The following C3 variants were observed in gnomAD, a reference collection of about 807,000 sequenced individuals.
C3 encodes complement C3.
A neutral mutation model predicts 207.9 loss-of-function variants in C3; 97 were observed. The ratio of observed to expected loss-of-function variants is 0.47; its 90% CI spans 0.40 to 0.55. C3 has a LOEUF of 0.55. C3 is among the 20% of genes least tolerant of loss of function. The probability of loss-of-function intolerance (pLI) is 0.00; values close to 1 mark genes in which losing one functional copy is unlikely to be tolerated. For missense variants in C3, 1,684 were observed against 2,171.7 expected (o/e 0.78, Z 4.46); for synonymous variants, 848 against 857.6 (o/e 0.99, Z 0.20).
At chr19:6,693,198 CTTCCCAG>C (rs1918209576) in intron 25 of C3, 115 bp from the exon 26 acceptor site, 6 of 1,315,866 alleles carry the variant, frequency 4.6e-6, no homozygotes, top group Non-Finnish European at 6.5e-6. Flanking sequence ...CCTGGTTTGC[CTTCCCAG>C]GCCCCAGGAC....
chr19:6,693,515 A>C, intron 24 of C3, 28 bp from the exon 25 acceptor site: 2 of 1,597,650 alleles, frequency 1.3e-6, no homozygotes, highest in Non-Finnish European at 1.7e-6. Context: ...GAACCCCCAA[A>C]AGAGCCGGGG....
intron 4 of C3, 117 bp from the exon 5 acceptor site, chr19:6,714,563 G>A (rs1967991988): frequency 1.3e-6 from 1 of 779,390 alleles, no homozygotes; most frequent in Non-Finnish European, 2.2e-6. Flanking sequence ...GTCTACTGTG[G>A]TTAAGAACAG....
rs757072164 is a variant in C3 at position 6,713,978 on chromosome 19, C to T, written c.773+14G>A. The T allele has an allele frequency of 2.5e-6, 4 of 1,590,626 alleles. No homozygotes were observed. Among genetic ancestry groups the T allele is most frequent in the Non-Finnish European group, 8.6e-7 (1 of 1,164,706 alleles). On this transcript the variant is annotated intron_variant, in intron 7 of 40. Coordinates refer to ENST00000245907, the MANE Select transcript of C3 (RefSeq NM_000064.4). ...TCACCTGGCTCTTACCTGGCCCCAC[C>T]CCCAGTCCCTCACCTGGCGGTGATG...
At chr19:6,715,042 G>C (rs531296289) in intron 4 of C3, among the ~76,000 whole-genome samples, 4 of 152,114 alleles carry the variant, frequency 2.6e-5, no homozygotes, top group African/African-American at 7.2e-5. Context: ...ATATGAGTAG[G>C]GGCTCATTTT....
At chr19:6,714,729 G>C (rs1439411103) in intron 4 of C3, among the ~76,000 whole-genome samples, 1 of 152,206 alleles carries the variant, frequency 6.6e-6, no homozygotes, top group Non-Finnish European at 1.5e-5. Context: ...AGGCATGGTG[G>C]TAGGCACCCG....
intron 11 of C3, among the ~76,000 whole-genome samples, 165 bp from the exon 12 acceptor site, chr19:6,711,361 A>T (rs1393239725): frequency 6.6e-6 from 1 of 152,094 alleles, no homozygotes; most frequent in African/African-American, 2.4e-5. Flanking sequence ...ATGTAGGTGG[A>T]GCTAATGTAA....
chr19:6,686,309 C>T, intron 28 of C3, 22 bp from the exon 29 acceptor site: 2 of 1,613,386 alleles, frequency 1.2e-6, no homozygotes, highest in South Asian at 2.2e-5. Flanking sequence ...ATACCCCATC[C>T]CCAGTGCTCA....
At chr19:6,702,658 G>T (rs1967699830) in intron 17 of C3, 79 bp from the exon 18 acceptor site, 2 of 990,372 alleles carry the variant, frequency 2.0e-6, no homozygotes, top group Admixed American at 1.7e-5. Flanking sequence ...AGCACTTAGG[G>T]AGGCCAAGGC....
chr19:6,691,011 A>G (rs990462485), intron 26 of C3, among the ~76,000 whole-genome samples: 4 of 151,256 alleles, frequency 2.6e-5, no homozygotes, highest in African/African-American at 9.7e-5. Context: ...TTTGTCTAGT[A>G]GGGAAGATGG....
Position 6,712,593 on chromosome 19 carries a change from C to T in C3, c.1034G>A (p.Gly345Glu). ...GSDMVQAERS[G>E]IPIVTSPYQI... ...GTAGGGAGAGGTCACGATGGGGATC[C>T]CGCTGCGCTCTGCCTGCACCATGTC... Residue 345 changes from glycine to glutamate, a missense_variant, in exon 10 of 41, where the codon GGG (glycine) becomes GAG (glutamate). Physicochemically the swap from Gly to Glu is moderately conservative, Grantham distance 98. Transcript: ENST00000245907. 1 of 1,614,116 alleles carries T rather than the reference C, an allele frequency of 6.2e-7. No homozygotes were observed. The highest frequency in any genetic ancestry group is 8.5e-7 in the Non-Finnish European group (1 of 1,179,970).
At chr19:6,708,576 CTTCT>C (rs1967837163) in intron 14 of C3, among the ~76,000 whole-genome samples, 1 of 147,284 alleles carries the variant, frequency 6.8e-6, no homozygotes. Context: ...TCCTTCCTTC[CTTCT>C]TTCCTTCCTT....
At chr19:6,707,429 G>A (rs1228599823) in intron 16 of C3, 37 bp downstream of exon 16, 7 of 1,611,280 alleles carry the variant, frequency 4.3e-6, no homozygotes, top group African/African-American at 1.3e-5. Context: ...TCCTGGGGTG[G>A]GGCTCGGGGG....
intron 33 of C3, chr19:6,684,122 T>C (rs549225121): frequency 1.9e-6 from 1 of 514,804 alleles, no homozygotes; most frequent in East Asian, 3.7e-5. Flanking sequence ...AAAGAAAACT[T>C]TAAAGGTCAT....
At position 6,678,454 on chromosome 19, in the gene C3, C is replaced by T; in HGVS notation, c.4632G>A (p.Val1544=). ...DKACEPGVDY[V]YKTRLVKVQL... Reference sequence around the variant, plus strand: ...GAACCTTGACCAGTCGGGTCTTGTACACTGTGGGGGAGAGGCAGACAGTTT... The same window carrying T: ...GAACCTTGACCAGTCGGGTCTTGTATACTGTGGGGGAGAGGCAGACAGTTT... The change falls in exon 39 of 41, where the codon GTG becomes GTA. Residue 1544 remains valine, a splice_region_variant and synonymous_variant. Transcript: ENST00000245907. 1.2e-6 allele frequency: 2 copies of T among 1,613,968 alleles called. No individual in the cohort carries two copies. The highest frequency in any genetic ancestry group is 1.7e-6 in the Non-Finnish European group (2 of 1,179,940).
rs11569448 is a variant in C3 at position 6,702,761 on chromosome 19, C to T, written c.2246-182G>A. The T allele has an allele frequency of 0.017, 9,663 of 571,780 alleles. 685 individuals carry two copies. Among genetic ancestry groups the T allele is most frequent in the African/African-American group, 0.15 (8,337 of 53,940 alleles). 35.4% of individuals were successfully genotyped at this position (571,780 alleles called of 1,614,324 possible). On this transcript the variant is annotated intron_variant, in intron 17 of 40. Transcript: ENST00000245907. The stretch of plus-strand genomic sequence containing the variant: ...AAAATACAAAAATTAAGGCTGGGCA[C>T]GGTGGCTCACCCCTGTAATCCCAGC...
chr19:6,684,920 C>T, intron 30 of C3, 68 bp downstream of exon 30: 1 of 1,610,134 alleles, frequency 6.2e-7, no homozygotes, highest in East Asian at 2.2e-5. Flanking sequence ...CCTCTTGCTT[C>T]CCAGTAAACC....
chr19:6,684,861 C>T, intron 30 of C3, 27 bp from the exon 31 acceptor site: 1 of 1,613,446 alleles, frequency 6.2e-7, no homozygotes, highest in East Asian at 2.2e-5. Flanking sequence ...GAGAAGAGAG[C>T]ATGTTGGGAA....
chr19:6,712,406 C>T lies in C3; in HGVS notation c.1120G>A (p.Val374Met), dbSNP rs754585020. 8.1e-6 allele frequency: 13 copies of T among 1,614,142 alleles called. No homozygotes were observed. The highest frequency in any genetic ancestry group is 2.2e-5 in the East Asian group (1 of 44,884). Residue 374 changes from valine (V) to methionine (M), a missense_variant and splice_region_variant, in exon 11 of 41, where the codon GTG (valine) becomes ATG (methionine). Val to Met is a conservative substitution (Grantham distance 21). This residue lies in a region of C3 where 1,280 missense variants were observed against 1,739.1 expected (regional missense o/e 0.74). Coordinates refer to ENST00000245907, the MANE Select transcript of C3 (RefSeq NM_000064.4). ...GAGCCATCAGGGTTCGTCACGAACA[C>T]CTGTGATGTGGGGTGCAGGTGGGGG... The part of the protein sequence containing the change: ...FKPGMPFDLM[V>M]FVTNPDGSPA...
At chr19:6,698,630 G>T (rs1172958487) in intron 19 of C3, among the ~76,000 whole-genome samples, 1 of 151,944 alleles carries the variant, frequency 6.6e-6, no homozygotes, top group African/African-American at 2.4e-5. Context: ...GATTGCTTGA[G>T]CCCAGGAGTT....
Sources: allele counts gnomAD v4.1 joint callset (sites outside exome capture counted in the v4.1 genomes callset), GRCh38; gene constraint gnomAD v4.1.1; regional missense constraint gnomAD v4.1.1; transcripts MANE v1.5; gene names NCBI Gene and HGNC (gene_info 2026-07-23, HGNC 2026-07-21).